Variants in RAD51AP1 observed in about 807,000 individuals in gnomAD.
The protein encoded by RAD51AP1 is RAD51-associated protein 1.
Under a neutral mutation model 34.3 loss-of-function variants are expected in RAD51AP1, and 14 were observed. That is an observed-to-expected ratio of 0.41 (90% CI 0.27 to 0.64). The LOEUF (loss-of-function observed/expected upper bound fraction) is 0.64. Ranked by LOEUF, RAD51AP1 falls within the 30% of genes least tolerant of loss-of-function variation. RAD51AP1 has a pLI of 0.33. For missense variants in RAD51AP1, 348 were observed against 386.9 expected (o/e 0.90, Z 0.84); for synonymous variants, 114 against 129.8 (o/e 0.88, Z 0.83).
At chr12:4,546,260 T>G in intron 3 of RAD51AP1, 49 bp from the exon 4 acceptor site, 61 of 1,362,038 alleles carry the variant, frequency 4.5e-5, no homozygotes, top group Non-Finnish European at 5.7e-5. Flanking sequence ...GCTCTTTAGT[T>G]GAGATTGATA....
intron 1 of RAD51AP1, among the ~76,000 whole-genome samples, chr12:4,540,788 G>T (rs190355845): frequency 6.6e-6 from 1 of 152,128 alleles, no homozygotes; most frequent in African/African-American, 2.4e-5. Context: ...AATAGTTTGC[G>T]TGAGGAAACA....
chr12:4,546,203 C>T (rs1032681463), intron 3 of RAD51AP1, 106 bp from the exon 4 acceptor site: 27 of 790,316 alleles, frequency 3.4e-5, no homozygotes, highest in Non-Finnish European at 4.7e-5. Context: ...AACATTTTTG[C>T]GAAGTTAGCA....
chr12:4,545,676 A>C, intron 3 of RAD51AP1: 3 of 1,174,128 alleles, frequency 2.6e-6, no homozygotes, highest in South Asian at 1.5e-5. Context: ...TCTTCCTCTT[A>C]TACTCCATAG....
chr12:4,559,283 G>C lies in RAD51AP1; in HGVS notation c.*290G>C. 2 of 233,286 alleles carry C rather than the reference G, an allele frequency of 8.6e-6. No individual in the cohort carries two copies. The highest frequency in any genetic ancestry group is 1.7e-5 in the Non-Finnish European group (2 of 120,990). 14.5% of individuals were successfully genotyped at this position (233,286 alleles called of 1,614,324 possible). On this transcript the variant is annotated 3_prime_UTR_variant, in exon 9 of 9. Transcript: ENST00000352618. Reference sequence around the variant, plus strand: ...CCACATCACATGCTGTTCTTTTCTAGTTACATGATGTGCCTTTCTAGCTTT... The same window carrying C: ...CCACATCACATGCTGTTCTTTTCTACTTACATGATGTGCCTTTCTAGCTTT...
intron 1 of RAD51AP1, among the ~76,000 whole-genome samples, chr12:4,539,315 A>T (rs910951764): frequency 3.9e-5 from 6 of 152,180 alleles, no homozygotes; most frequent in African/African-American, 1.4e-4. Context: ...TTGATTTAAC[A>T]TTTCTACGTA....
chr12:4,543,640 A>G, intron 2 of RAD51AP1, 123 bp from the exon 3 acceptor site: 1 of 635,782 alleles, frequency 1.6e-6, no homozygotes, highest in Non-Finnish European at 2.5e-6. Context: ...ACTAACAATG[A>G]TTTTTAAATT....
intron 2 of RAD51AP1, among the ~76,000 whole-genome samples, chr12:4,542,545 A>G (rs1330171053): frequency 6.6e-6 from 1 of 151,948 alleles, no homozygotes; most frequent in Admixed American, 6.6e-5. Flanking sequence ...ACCACTTGGG[A>G]AAAAGAGTGT....
intron 6 of RAD51AP1, chr12:4,550,674 C>G (rs1944539691): frequency 6.6e-6 from 1 of 152,638 alleles, no homozygotes; most frequent in South Asian, 2.1e-4. Flanking sequence ...GAATCTCGCT[C>G]TGTCGCCCAG....
chr12:4,546,229 T>G (rs1360913711), intron 3 of RAD51AP1, 80 bp from the exon 4 acceptor site: 2 of 1,060,414 alleles, frequency 1.9e-6, no homozygotes, highest in African/African-American at 1.6e-5. Flanking sequence ...TGAATAGTAA[T>G]TTGGAGAAAT....
At chr12:4,553,688 A>G (rs959019200) in intron 7 of RAD51AP1, among the ~76,000 whole-genome samples, 1 of 149,078 alleles carries the variant, frequency 6.7e-6, no homozygotes, top group Non-Finnish European at 1.5e-5. Context: ...AACTACTTTT[A>G]TGATAAAACG....
rs750887868 is a variant in RAD51AP1, at chr12:4,556,405, G to A, written c.774G>A (p.Leu258=). ...PAAVKSESQS[L]PKKVSLSSDT... is the part of the protein sequence containing the mutation. ...CCGTCAAATCAGAATCTCAGTCCTT[G>A]CCAAAAAAGGTTTCTCTGTCTTCAG... is the stretch of plus-strand genomic sequence containing the variant. Residue 258 remains leucine, a synonymous_variant, in exon 8 of 9, where the codon TTG becomes TTA. Coordinates refer to ENST00000352618, the MANE Select transcript of RAD51AP1 (RefSeq NM_006479.5). 7 of 1,613,546 alleles carry A rather than the reference G, an allele frequency of 4.3e-6. No individual in the cohort carries two copies. Among genetic ancestry groups the A allele is most frequent in the Non-Finnish European group, 5.9e-6 (7 of 1,179,746 alleles).
intron 3 of RAD51AP1, chr12:4,545,687 C>T (rs958172941): frequency 1.5e-6 from 2 of 1,316,420 alleles, no homozygotes; most frequent in Admixed American, 4.1e-5. Context: ...TACTCCATAG[C>T]ACTTTTGAGC....
At position 4,546,293 on chromosome 12, in the gene RAD51AP1, T is replaced by A. The variant is rs2137256900; in HGVS notation, c.210-16T>A. On this transcript the variant is annotated splice_polypyrimidine_tract_variant and intron_variant, in intron 3 of 8. Coordinates refer to ENST00000352618, the MANE Select transcript of RAD51AP1 (RefSeq NM_006479.5). ...ATATTTTGAAGAACTCATTATTACT[T>A]GTGTATCTATTTTAGGATGGCTTTA... is the stretch of plus-strand genomic sequence containing the variant. The A allele has an allele frequency of 6.6e-7, 1 of 1,519,676 alleles. No homozygotes were observed. Among genetic ancestry groups the A allele is most frequent in the Non-Finnish European group, 9.0e-7 (1 of 1,106,662 alleles). The allele number at this position is 1,519,676 out of a possible 1,614,324, so 94.1% of individuals were successfully genotyped here. A position where few individuals can be genotyped will look rare whatever the true frequency, so the allele number is the denominator to read the frequency against.
At chr12:4,548,454 G>A (rs370126535) in intron 5 of RAD51AP1, among the ~76,000 whole-genome samples, 9 of 152,124 alleles carry the variant, frequency 5.9e-5, no homozygotes, top group African/African-American at 2.2e-4. Context: ...GAAAATTTTG[G>A]GGGAAAGATT....
chr12:4,544,448 C>G (rs1450709216), intron 3 of RAD51AP1, among the ~76,000 whole-genome samples: 1 of 152,064 alleles, frequency 6.6e-6, no homozygotes, highest in Non-Finnish European at 1.5e-5. Flanking sequence ...CCAAAACTTG[C>G]AGTATGGAGA....
At chr12:4,553,295 AG>A in intron 7 of RAD51AP1, 148 bp downstream of exon 7, 1 of 628,682 alleles carries the variant, frequency 1.6e-6, no homozygotes, top group Non-Finnish European at 2.5e-6. Flanking sequence ...GGGGTGGGGA[AG>A]GGAGAAAAGC....
chr12:4,539,506 T>C (rs1242935112), intron 1 of RAD51AP1, among the ~76,000 whole-genome samples: 1 of 152,208 alleles, frequency 6.6e-6, no homozygotes. Flanking sequence ...AGTTATTGAA[T>C]ATATTCACTT....
rs1322789334 is a variant in RAD51AP1, at chr12:4,538,921, C to G, written c.-19C>G. Reference sequence around the variant, plus strand: ...AACAAGAATTTGAGAACTGTAAATACCAAGCCTTGAAAGGGACCATGGTGC... The same window carrying G: ...AACAAGAATTTGAGAACTGTAAATAGCAAGCCTTGAAAGGGACCATGGTGC... On this transcript the variant is annotated 5_prime_UTR_variant, in exon 1 of 9. Coordinates refer to ENST00000352618, the MANE Select transcript of RAD51AP1 (RefSeq NM_006479.5). 1.2e-6 allele frequency: 2 copies of G among 1,613,876 alleles called. No homozygotes were observed. The highest frequency in any genetic ancestry group is 1.7e-6 in the Non-Finnish European group (2 of 1,179,784).
At chr12:4,551,392 G>A (rs879407400) in intron 6 of RAD51AP1, among the ~76,000 whole-genome samples, 1 of 151,362 alleles carries the variant, frequency 6.6e-6, no homozygotes, top group Admixed American at 6.6e-5. Context: ...CTACTTGGGA[G>A]GCTGAAGCAG....
Sources: allele counts gnomAD v4.1 joint callset (sites outside exome capture counted in the v4.1 genomes callset), GRCh38; gene constraint gnomAD v4.1.1; transcripts MANE v1.5; gene names NCBI Gene and HGNC (gene_info 2026-07-23, HGNC 2026-07-21).